NEDD9: variants seen among roughly 807,000 people sequenced by gnomAD.
The protein encoded by NEDD9 is neural precursor cell expressed, developmentally down-regulated 9.
Under a neutral mutation model 76.6 loss-of-function variants are expected in NEDD9, and 26 were observed. The observed-to-expected ratio is 0.34, with a 90% CI of 0.25 to 0.47. The LOEUF (loss-of-function observed/expected upper bound fraction) is 0.47, where lower values mean the gene tolerates loss of function less well. Among genes scored for constraint, NEDD9 ranks in the 20% least tolerant of loss-of-function variants. The pLI is 1.00. For synonymous variants in NEDD9, 392 were observed against 414.2 expected, an observed-to-expected ratio of 0.95 and a Z score of 0.65; for missense variants, 937 against 1,058.5, an observed-to-expected ratio of 0.89 and a Z score of 1.59.
At chr6:11,326,525 T>C (rs1433365869) in intron 2 of NEDD9, among the ~76,000 whole-genome samples, 2 of 152,272 alleles carry the variant, frequency 1.3e-5, no homozygotes, top group Non-Finnish European at 2.9e-5. Context: ...TTCAAAGTAT[T>C]GCCAAAGTCT....
rs1320580340 is a variant in NEDD9, at chr6:11,291,716, A to G, written c.12+14276T>C. ...TAATACTTAACAGATAGGGTTGCAT[A>G]GTTTCAGTGTAACGGTGCCTCTGTG... On this transcript the variant is annotated intron_variant, in intron 3 of 3. Coordinates refer to the NEDD9 transcript ENST00000397378. Among the ~76,000 whole-genome samples, 3 of 152,240 alleles carry G rather than the reference A, an allele frequency of 2.0e-5. No individual in the cohort carries two copies. The East Asian group carries it at 5.8e-4, about 29-fold the overall frequency.
intron 1 of NEDD9, among the ~76,000 whole-genome samples, chr6:11,363,696 C>A (rs1374228955): frequency 6.6e-6 from 1 of 152,164 alleles, no homozygotes. Flanking sequence ...AAGAAGGATG[C>A]TACTTTGCTC....
At chr6:11,222,559 C>T (rs1351610230) in intron 1 of NEDD9, among the ~76,000 whole-genome samples, 1 of 152,206 alleles carries the variant, frequency 6.6e-6, no homozygotes, top group East Asian at 1.9e-4. Context: ...GGTGGAGAGA[C>T]AAGCTCTTAC....
chr6:11,184,838 GT>G lies in NEDD9; in HGVS notation c.*323del, dbSNP rs376554983. 2.4e-3 allele frequency: 458 copies of G among 194,090 alleles called. No individual in the cohort carries two copies. Among genetic ancestry groups the G allele is most frequent in the East Asian group, 4.3e-3 (37 of 8,580 alleles). The allele number at this position is 194,090 out of a possible 1,614,324, so 12.0% of individuals were successfully genotyped here. On this transcript the variant is annotated 3_prime_UTR_variant, in exon 7 of 7. Transcript: ENST00000379446. ...TTACTAAGGTGCTTCGTAATTCATG[GT>G]TTTTTTTTTAATGAAATGCATCAGA...
intron 2 of NEDD9, among the ~76,000 whole-genome samples, chr6:11,194,511 C>G (rs138144179): frequency 6.6e-6 from 1 of 152,318 alleles, no homozygotes; most frequent in African/African-American, 2.4e-5. Flanking sequence ...CCACAGGTCA[C>G]CAGAGTACTT....
rs144530680 is a variant in NEDD9, at chr6:11,362,737, TGAA to T, written c.-214+19399_-214+19401del. On this transcript the variant is annotated intron_variant, in intron 1 of 3. Coordinates refer to the NEDD9 transcript ENST00000397378. ...TGTCATGAGCTGCCAGACCCAAAGA[TGAA>T]GCTCTTTTATTAAGTGGAAGTGCAT... Among the ~76,000 whole-genome samples the T allele has an allele frequency of 2.9e-3, 437 of 152,358 alleles. 2 individuals are homozygous for T. Among genetic ancestry groups the T allele is most frequent in the African/African-American group, 9.9e-3 (413 of 41,582 alleles).
chr6:11,248,780 C>T (rs1363949710), intron 3 of NEDD9, among the ~76,000 whole-genome samples: 3 of 152,190 alleles, frequency 2.0e-5, no homozygotes, highest in Admixed American at 2.0e-4. Context: ...GAAACTTGCT[C>T]GATGGGAAAC....
chr6:11,339,953 A>C (rs1762240929), intron 1 of NEDD9, among the ~76,000 whole-genome samples: 1 of 152,214 alleles, frequency 6.6e-6, no homozygotes, highest in Non-Finnish European at 1.5e-5. Flanking sequence ...ATGTGAGCTT[A>C]AGGGGATAAT....
rs73722910 is a variant in NEDD9 at position 11,357,547 on chromosome 6, C to G, written c.-213-22986G>C. On this transcript the variant is annotated intron_variant, in intron 1 of 3. Coordinates refer to the NEDD9 transcript ENST00000397378. The stretch of plus-strand genomic sequence containing the variant: ...CCAGTCCAAGTTCTGCAGGAACATT[C>G]AGAGGGTGTTTAACTGGCTTTGCAA... Among the ~76,000 whole-genome samples, 444 of 152,344 alleles carry G rather than the reference C, an allele frequency of 2.9e-3. 2 individuals carry two copies. The highest frequency in any genetic ancestry group is 0.01 in the African/African-American group (420 of 41,572).
chr6:11,317,397 T>C (rs1031478758), intron 2 of NEDD9, among the ~76,000 whole-genome samples: 5 of 149,912 alleles, frequency 3.3e-5, no homozygotes, highest in African/African-American at 1.2e-4. Flanking sequence ...GCCTGGGCTA[T>C]AGGGTGAGGC....
At chr6:11,196,220 C>T (rs1758288623) in intron 2 of NEDD9, among the ~76,000 whole-genome samples, 2 of 152,112 alleles carry the variant, frequency 1.3e-5, no homozygotes, top group South Asian at 2.1e-4. Context: ...AGGAGAATGG[C>T]GTGAACCTGG....
Position 11,354,204 on chromosome 6 carries a change from G to A in NEDD9, c.-213-19643C>T, listed in dbSNP as rs145534633. 2.8e-3 allele frequency among the ~76,000 whole-genome samples: 421 copies of A among 152,294 alleles called. 2 individuals carry two copies. Among genetic ancestry groups the A allele is most frequent in the African/African-American group, 9.5e-3 (394 of 41,566 alleles). On this transcript the variant is annotated intron_variant, in intron 1 of 3. Coordinates refer to the NEDD9 transcript ENST00000397378. ...CAGGAAGAAAAAGAAAGAGCTCTGG[G>A]GCTATTTATTCTTTGTGTACAGGAC...
intron 1 of NEDD9, among the ~76,000 whole-genome samples, chr6:11,353,621 A>C (rs1261169021): frequency 6.6e-6 from 1 of 152,232 alleles, no homozygotes; most frequent in Non-Finnish European, 1.5e-5. Flanking sequence ...GGTACTTTGT[A>C]ACAGCAGCTC....
chr6:11,284,945 C>T (rs1760617619), intron 3 of NEDD9, among the ~76,000 whole-genome samples: 2 of 152,014 alleles, frequency 1.3e-5, no homozygotes, highest in African/African-American at 4.8e-5. Context: ...GTATTTTCTG[C>T]ATTAAGCTGA....
At chr6:11,299,938 C>T (rs1248309320) in intron 3 of NEDD9, among the ~76,000 whole-genome samples, 1 of 152,122 alleles carries the variant, frequency 6.6e-6, no homozygotes, top group African/African-American at 2.4e-5. Flanking sequence ...TCCAAAAAAA[C>T]AGAGTGCCTC....
rs1381995586 is a variant in NEDD9 at position 11,198,123 on chromosome 6, G to A, written c.460-4431C>T. Among the ~76,000 whole-genome samples the A allele has an allele frequency of 2.0e-5, 3 of 152,262 alleles. No individual in the cohort carries two copies. The highest frequency in any genetic ancestry group is 2.1e-4 in the South Asian group (1 of 4,820). On this transcript the variant is annotated intron_variant, in intron 2 of 6. Coordinates refer to ENST00000379446, the MANE Select transcript of NEDD9 (RefSeq NM_006403.4). The surrounding 1 kb of genome is among the most constrained non-coding windows in gnomAD (Gnocchi z 4.7). ...TCTACCGAAAGAGGGAAGACATTGC[G>A]CCCTGTGTTGCCAGATCTTTCACGT...
intron 2 of NEDD9, among the ~76,000 whole-genome samples, chr6:11,319,132 G>A (rs1883240): frequency 0.56 from 85,746 of 152,160 alleles, 24,685 homozygotes; most frequent in East Asian, 0.75. Context: ...ATATCTGCTC[G>A]GCTTGAAAAG....
chr6:11,241,733 A>G lies in NEDD9; in HGVS notation c.13-28006T>C, dbSNP rs567043378. ...ATGCATTTTCTCCCCCTTGTGCCTT[A>G]AAAGAGCCCAGCTGACCCAGCCCTC... is the stretch of plus-strand genomic sequence containing the variant. On this transcript the variant is annotated intron_variant, in intron 3 of 3. Coordinates refer to the NEDD9 transcript ENST00000397378. This position sits in a 1 kb window ranked among gnomAD's most constrained non-coding sequence, Gnocchi z 4.0. Among the ~76,000 whole-genome samples the G allele has an allele frequency of 2.0e-4, 30 of 152,254 alleles. No homozygotes were observed. The highest frequency in any genetic ancestry group is 2.6e-4 in the Non-Finnish European group (18 of 68,010).
intron 3 of NEDD9, among the ~76,000 whole-genome samples, chr6:11,304,516 T>C (rs1341740417): frequency 6.6e-6 from 1 of 152,230 alleles, no homozygotes; most frequent in Non-Finnish European, 1.5e-5. Flanking sequence ...CGTATGTTTA[T>C]TGGGGCACTA....
Sources: gnomAD v4.1 joint callset for allele counts (sites outside exome capture counted in the v4.1 genomes callset) on GRCh38, gnomAD v4.1.1 for gene constraint, Gnocchi (gnomAD v3.1) non-coding constraint, MANE v1.5 for transcripts, NCBI Gene and HGNC (gene_info 2026-07-23, HGNC 2026-07-21) for gene names.